The following ZNF474 variants were observed in gnomAD, a reference collection of about 807,000 sequenced individuals.
ZNF474 encodes the protein zinc finger protein 474, also known as 4933409D10Rik.
For synonymous variants in ZNF474, 192 were observed against 162.2 expected (o/e 1.18, Z -1.39); for missense variants, 511 against 433.8 (o/e 1.18, Z -1.58).
At chr5:122,141,041 T>C (rs1205597569) in intron 1 of ZNF474, among the ~76,000 whole-genome samples, 1 of 152,106 alleles carries the variant, frequency 6.6e-6, no homozygotes, top group Non-Finnish European at 1.5e-5. Context: ...TAGGATTCCA[T>C]ATAGGAAATG....
In ZNF474 at chr5:122,132,841, G is replaced by A. The variant is rs866810440; in HGVS notation, c.-213+3158G>A. On this transcript the variant is annotated intron_variant, in intron 1 of 1. Coordinates refer to ENST00000296600, the MANE Select transcript of ZNF474 (RefSeq NM_207317.3). Reference sequence around the variant, plus strand: ...TCTGGACTGTCTATCCTGTTACATGGATCTGTTTGTCTATCCTTATTGGCA... The same window carrying A: ...TCTGGACTGTCTATCCTGTTACATGAATCTGTTTGTCTATCCTTATTGGCA... Among the ~76,000 whole-genome samples, 62 of 152,250 alleles carry A rather than the reference G, an allele frequency of 4.1e-4. No homozygotes were observed. In the Middle Eastern group the frequency reaches 0.01, roughly 25 times the overall value.
chr5:122,136,206 A>G (rs1755695760), intron 1 of ZNF474, among the ~76,000 whole-genome samples: 1 of 152,220 alleles, frequency 6.6e-6, no homozygotes, highest in Admixed American at 6.5e-5. Flanking sequence ...AATTACCCTC[A>G]TTTGATTATT....
rs1362958035 is a variant in ZNF474 at position 122,136,787 on chromosome 5, C to A, written c.-213+7104C>A. 2.0e-5 allele frequency among the ~76,000 whole-genome samples: 3 copies of A among 151,990 alleles called. No individual in the cohort carries two copies. In the East Asian group the frequency reaches 5.8e-4, roughly 29 times the overall value. On this transcript the variant is annotated intron_variant, in intron 1 of 1. Transcript: ENST00000296600. ...CTGATAACACTTCTTTTCCAAAAGC[C>A]CCTTTATGTTTTTTATTCCTCATAT...
rs889360390 is a variant in ZNF474, at chr5:122,129,658, G to T, written c.-238G>T. On this transcript the variant is annotated 5_prime_UTR_variant, in exon 1 of 2. An upstream start codon of the reference 5' UTR is lost. Coordinates refer to ENST00000296600, the MANE Select transcript of ZNF474 (RefSeq NM_207317.3). Reference sequence around the variant, plus strand: ...CTGAAAACTCAGAGGTGCTCAGCATGCCATGCTAAAAGGCAAAATAAAAAG... The same window carrying T: ...CTGAAAACTCAGAGGTGCTCAGCATTCCATGCTAAAAGGCAAAATAAAAAG... 1.3e-5 allele frequency: 2 copies of T among 152,254 alleles called. No individual in the cohort carries two copies. Among genetic ancestry groups the T allele is most frequent in the South Asian group, 4.1e-4 (2 of 4,830 alleles). 9.4% of individuals were successfully genotyped at this position (152,254 alleles called of 1,614,324 possible). A position where few individuals can be genotyped will look rare whatever the true frequency, so the allele number is the denominator to read the frequency against.
chr5:122,137,891 C>A (rs942223541), intron 1 of ZNF474, among the ~76,000 whole-genome samples: 2 of 152,194 alleles, frequency 1.3e-5, no homozygotes, highest in African/African-American at 4.8e-5. Flanking sequence ...GGGTTGAGAG[C>A]GGAAGTGCCT....
At chr5:122,137,107 G>A (rs1755719113) in intron 1 of ZNF474, among the ~76,000 whole-genome samples, 2 of 152,156 alleles carry the variant, frequency 1.3e-5, no homozygotes, top group South Asian at 4.1e-4. Flanking sequence ...GATGGTGATG[G>A]TGATATCAGT....
rs1361731101 is a variant in ZNF474, at chr5:122,152,709, A to G, written c.719A>G (p.Glu240Gly). 2 of 1,614,048 alleles carry G rather than the reference A, an allele frequency of 1.2e-6. No homozygotes were observed. The highest frequency in any genetic ancestry group is 4.5e-5 in the East Asian group (2 of 44,878). Reference sequence around the variant, plus strand: ...GGCACCCTGTCCCTTCCTATTCATGAGCCCAAATGCCTGGAAAAGTGGAAA... The same window carrying G: ...GGCACCCTGTCCCTTCCTATTCATGGGCCCAAATGCCTGGAAAAGTGGAAA... Reference protein sequence around the residue: ...EFGTLSLPIHEPKCLEKWKME... With the variant: ...EFGTLSLPIHGPKCLEKWKME... Residue 240 changes from glutamate to glycine, a missense_variant, in exon 2 of 2, where the codon GAG becomes GGG. Coordinates refer to ENST00000296600, the MANE Select transcript of ZNF474 (RefSeq NM_207317.3).
intron 1 of ZNF474, among the ~76,000 whole-genome samples, chr5:122,131,409 TTATC>T (rs1263328047): frequency 4.6e-5 from 7 of 152,116 alleles, no homozygotes; most frequent in African/African-American, 1.7e-4. Flanking sequence ...TGGTAACAAA[TTATC>T]TATCAACAGA....
At chr5:122,148,242 A>G (rs1756042166) in intron 1 of ZNF474, among the ~76,000 whole-genome samples, 1 of 152,110 alleles carries the variant, frequency 6.6e-6, no homozygotes, top group African/African-American at 2.4e-5. Flanking sequence ...TCCATAAGAC[A>G]CCTCCGTTCC....
chr5:122,143,580 T>A (rs1448499773), intron 1 of ZNF474, among the ~76,000 whole-genome samples: 1 of 152,196 alleles, frequency 6.6e-6, no homozygotes, highest in Non-Finnish European at 1.5e-5. Flanking sequence ...ACTATACTGT[T>A]CTTATACGTT....
intron 1 of ZNF474, among the ~76,000 whole-genome samples, chr5:122,133,664 A>T (rs1755632424): frequency 6.6e-6 from 1 of 152,096 alleles, no homozygotes; most frequent in Non-Finnish European, 1.5e-5. Context: ...GGCTCAAGCG[A>T]TCCTCCTACC....
intron 1 of ZNF474, among the ~76,000 whole-genome samples, chr5:122,137,564 G>T (rs1755733908): frequency 6.7e-6 from 1 of 150,134 alleles, no homozygotes; most frequent in African/African-American, 2.5e-5. Context: ...ACTGGAGGAA[G>T]ATTCTAGGCA....
At chr5:122,140,339 G>C (rs1177971200) in intron 1 of ZNF474, among the ~76,000 whole-genome samples, 1 of 152,132 alleles carries the variant, frequency 6.6e-6, no homozygotes, top group Non-Finnish European at 1.5e-5. Context: ...TCAACAACTT[G>C]GTTGAGGTAT....
chr5:122,148,161 A>G (rs1756039927), intron 1 of ZNF474, among the ~76,000 whole-genome samples: 1 of 152,258 alleles, frequency 6.6e-6, no homozygotes, highest in Non-Finnish European at 1.5e-5. Context: ...TTATAAAGGG[A>G]GAGCAACCAA....
chr5:122,139,476 G>A (rs1302723443), intron 1 of ZNF474, among the ~76,000 whole-genome samples: 1 of 152,060 alleles, frequency 6.6e-6, no homozygotes. Flanking sequence ...ATCAAGATTT[G>A]TGACCTAAAA....
intron 1 of ZNF474, among the ~76,000 whole-genome samples, chr5:122,141,298 C>CAATTTTTTTTTTTTT (rs1755838749): frequency 2.0e-5 from 2 of 102,200 alleles, no homozygotes; most frequent in African/African-American, 8.7e-5. Flanking sequence ...TTACCCCTGG[C>CAATTTTTTTTTTTTT]TATTTTTTTT....
chr5:122,133,871 T>C (rs1019057502), intron 1 of ZNF474, among the ~76,000 whole-genome samples: 1 of 152,260 alleles, frequency 6.6e-6, no homozygotes, highest in Admixed American at 6.5e-5. Context: ...CAGCTTATTT[T>C]AGAATTCAAA....
Position 122,152,135 on chromosome 5 carries a change from A to T in ZNF474, c.145A>T (p.Asn49Tyr). Residue 49 changes from asparagine (N) to tyrosine (Y), a missense_variant, in exon 2 of 2, where the codon AAT becomes TAT. Coordinates refer to ENST00000296600, the MANE Select transcript of ZNF474 (RefSeq NM_207317.3). Reference sequence around the variant, plus strand: ...CCTTTCCCCAGAAACAGAGAGTGTTAATCCTGGTGAAAATATAAAGACAGA... The same window carrying T: ...CCTTTCCCCAGAAACAGAGAGTGTTTATCCTGGTGAAAATATAAAGACAGA... ...SSLSPETESVNPGENIKTDTQ... is the reference protein window; with the variant it reads ...SSLSPETESVYPGENIKTDTQ... 1 of 1,614,204 alleles carries T rather than the reference A, an allele frequency of 6.2e-7. No individual in the cohort carries two copies. The highest frequency in any genetic ancestry group is 8.5e-7 in the Non-Finnish European group (1 of 1,180,036).
At chr5:122,135,743 G>A (rs1755683739) in intron 1 of ZNF474, among the ~76,000 whole-genome samples, 1 of 152,126 alleles carries the variant, frequency 6.6e-6, no homozygotes, top group Admixed American at 6.6e-5. Flanking sequence ...GTCAAGATAA[G>A]TGTCCATCAG....
Sources: allele counts gnomAD v4.1 joint callset (sites outside exome capture counted in the v4.1 genomes callset), GRCh38; gene constraint gnomAD v4.1.1; transcripts MANE v1.5; gene names NCBI Gene and HGNC (gene_info 2026-07-23, HGNC 2026-07-21).